PCDH9: variants seen among roughly 807,000 people sequenced by gnomAD.
PCDH9 encodes the protein protocadherin 9.
In PCDH9, 24 loss-of-function variants were observed where a neutral mutation model predicts 70.6. That is an observed-to-expected ratio of 0.34 (90% confidence interval 0.25 to 0.48). The LOEUF is 0.48. Among genes scored for constraint, PCDH9 ranks in the 20% least tolerant of loss-of-function variants. The probability of loss-of-function intolerance (pLI) is 0.99; values close to 1 mark genes in which losing one functional copy is unlikely to be tolerated. For synonymous variants in PCDH9, 562 were observed against 558.5 expected (o/e 1.01, Z -0.09); for missense variants, 1,281 against 1,503.6 (o/e 0.85, Z 2.45).
chr13:66,452,112 T>C (rs1353059580), intron 4 of PCDH9, among the ~76,000 whole-genome samples: 2 of 152,156 alleles, frequency 1.3e-5, no homozygotes, highest in Non-Finnish European at 2.9e-5. Flanking sequence ...TATCAACTAA[T>C]ATCTGAAAGA....
intron 3 of PCDH9, among the ~76,000 whole-genome samples, chr13:66,876,170 A>T (rs183068173): frequency 5.1e-4 from 78 of 152,330 alleles, no homozygotes; most frequent in African/African-American, 1.9e-3. Context: ...GTCATAACTT[A>T]CTAAAACCAA....
chr13:66,540,731 A>T (rs930830400), intron 4 of PCDH9, among the ~76,000 whole-genome samples: 1 of 152,214 alleles, frequency 6.6e-6, no homozygotes, highest in Non-Finnish European at 1.5e-5. Context: ...TATGCCTTAG[A>T]TATACAATAA....
Position 67,161,201 on chromosome 13 carries a change from G to C in PCDH9, c.3036+64204C>G, listed in dbSNP as rs74095372. 7.1e-3 allele frequency among the ~76,000 whole-genome samples: 1,081 copies of C among 152,306 alleles called. 13 individuals are homozygous for C. Among genetic ancestry groups the C allele is most frequent in the African/African-American group, 0.025 (1,027 of 41,562 alleles). Reference sequence around the variant, plus strand: ...GACAATTCTCTTTAATTTTACTTCAGATATAAATTTCTGTTCAAATATAAG... The same window carrying C: ...GACAATTCTCTTTAATTTTACTTCACATATAAATTTCTGTTCAAATATAAG... On this transcript the variant is annotated intron_variant, in intron 2 of 4. Coordinates refer to ENST00000377865, the MANE Select transcript of PCDH9 (RefSeq NM_203487.3).
At chr13:66,701,450 CAT>C (rs1332393115) in intron 3 of PCDH9, among the ~76,000 whole-genome samples, 1 of 152,044 alleles carries the variant, frequency 6.6e-6, no homozygotes, top group Non-Finnish European at 1.5e-5. Flanking sequence ...TTCATATACA[CAT>C]ATATGTGTAC....
intron 3 of PCDH9, among the ~76,000 whole-genome samples, chr13:66,794,854 G>T (rs914559631): frequency 1.3e-5 from 2 of 151,846 alleles, no homozygotes; most frequent in African/African-American, 4.8e-5. Context: ...AAACACTCAT[G>T]ACTACATCTA....
At position 66,793,422 on chromosome 13, in the gene PCDH9, A is replaced by G. The variant is rs148321595; in HGVS notation, c.3138+110082T>C. Among the ~76,000 whole-genome samples, 179 of 152,336 alleles carry G rather than the reference A, an allele frequency of 1.2e-3. 3 individuals carry two copies. The East Asian group carries it at 0.032, about 27-fold the overall frequency. ...CTTTAGGATGAGTCAGTGATTTTAT[A>G]GGTAAAGTGAAGCAAAGCCCAAGGT... is the stretch of plus-strand genomic sequence containing the variant. On this transcript the variant is annotated intron_variant, in intron 3 of 4. Coordinates refer to ENST00000377865, the MANE Select transcript of PCDH9 (RefSeq NM_203487.3).
intron 3 of PCDH9, among the ~76,000 whole-genome samples, chr13:66,832,520 A>G (rs1594120693): frequency 6.6e-6 from 1 of 152,132 alleles, no homozygotes; most frequent in Admixed American, 6.6e-5. Flanking sequence ...ACATCTATAT[A>G]TGTGTATATT....
chr13:66,590,194 A>G (rs1336734963), intron 4 of PCDH9, among the ~76,000 whole-genome samples: 1 of 151,982 alleles, frequency 6.6e-6, no homozygotes, highest in African/African-American at 2.4e-5. Flanking sequence ...AAGGTTTCCT[A>G]TTTTTATGCA....
intron 3 of PCDH9, among the ~76,000 whole-genome samples, chr13:66,863,818 G>A (rs1316064631): frequency 6.6e-6 from 1 of 151,880 alleles, no homozygotes; most frequent in Non-Finnish European, 1.5e-5. Context: ...GGAAATTTTG[G>A]TACTATAAGA....
At chr13:67,216,672 G>A (rs1442099455) in intron 2 of PCDH9, 2 of 47,352 alleles carry the variant, frequency 4.2e-5, no homozygotes, top group Non-Finnish European at 1.1e-4. Flanking sequence ...CTTTGTGGTT[G>A]TCTTAAGCAA....
intron 3 of PCDH9, among the ~76,000 whole-genome samples, chr13:66,806,200 C>G (rs1441648623): frequency 2.6e-5 from 4 of 151,942 alleles, no homozygotes; most frequent in African/African-American, 9.7e-5. Context: ...TATTTTATAT[C>G]CCAAATATGT....
At chr13:66,361,874 T>C (rs1449501992) in intron 4 of PCDH9, among the ~76,000 whole-genome samples, 1 of 152,200 alleles carries the variant, frequency 6.6e-6, no homozygotes, top group Non-Finnish European at 1.5e-5. Context: ...GTTCCTTACT[T>C]AGCTGGTGAA....
chr13:67,190,055 C>T (rs1015346329), intron 2 of PCDH9, among the ~76,000 whole-genome samples: 9 of 152,066 alleles, frequency 5.9e-5, no homozygotes, highest in African/African-American at 2.2e-4. Flanking sequence ...TCTTACTTGC[C>T]AGTCTCATTT....
At chr13:67,130,368 C>T (rs2087082377) in intron 2 of PCDH9, among the ~76,000 whole-genome samples, 1 of 151,840 alleles carries the variant, frequency 6.6e-6, no homozygotes, top group South Asian at 2.1e-4. Flanking sequence ...TTGTAAAGGG[C>T]ATAGGTGAAA....
intron 2 of PCDH9, among the ~76,000 whole-genome samples, chr13:66,992,011 T>C (rs1434795922): frequency 6.6e-6 from 1 of 152,142 alleles, no homozygotes; most frequent in African/African-American, 2.4e-5. Context: ...TTTAAGTCTG[T>C]ATTTGATAGA....
At chr13:66,488,872 T>C (rs1958989155) in intron 4 of PCDH9, among the ~76,000 whole-genome samples, 1 of 152,142 alleles carries the variant, frequency 6.6e-6, no homozygotes, top group African/African-American at 2.4e-5. Flanking sequence ...GCATTTCAGA[T>C]GGATTAAACA....
At chr13:66,503,336 T>G (rs761337398) in intron 4 of PCDH9, among the ~76,000 whole-genome samples, 1 of 152,108 alleles carries the variant, frequency 6.6e-6, no homozygotes, top group Non-Finnish European at 1.5e-5. Context: ...CTGTTTAAAA[T>G]ACGTATTTCC....
At chr13:66,737,764 A>G (rs7333074) in intron 3 of PCDH9, among the ~76,000 whole-genome samples, 6,254 of 152,192 alleles carry the variant, frequency 0.041, 422 homozygotes, top group African/African-American at 0.14. Context: ...GGCCACTCCC[A>G]CCCGAATATT....
chr13:66,363,660 A>G (rs1956507306), intron 4 of PCDH9, among the ~76,000 whole-genome samples: 1 of 152,202 alleles, frequency 6.6e-6, no homozygotes, highest in African/African-American at 2.4e-5. Flanking sequence ...CAAAATATGT[A>G]AAATCCAGAT....
Sources: gnomAD v4.1 joint callset for allele counts (sites outside exome capture counted in the v4.1 genomes callset) on GRCh38, gnomAD v4.1.1 for gene constraint, MANE v1.5 for transcripts, NCBI Gene and HGNC (gene_info 2026-07-23, HGNC 2026-07-21) for gene names.